The following UIMC1 variants were observed in gnomAD, a reference collection of about 807,000 sequenced individuals.
UIMC1 encodes the protein BRCA1-A complex subunit RAP80.
Under a neutral mutation model 84.9 loss-of-function variants are expected in UIMC1, and 42 were observed. The observed-to-expected ratio is 0.49, with a 90% confidence interval of 0.39 to 0.64. UIMC1 has a LOEUF of 0.64. Among genes scored for constraint, UIMC1 ranks in the 30% least tolerant of loss-of-function variants. UIMC1 has a pLI of 0.00. For missense variants in UIMC1, 825 were observed against 847.6 expected, an observed-to-expected ratio of 0.97 and a Z score of 0.33; for synonymous variants, 281 against 293.0, an observed-to-expected ratio of 0.96 and a Z score of 0.42.
At chr5:176,982,945 C>T (rs576842394) in intron 1 of UIMC1, among the ~76,000 whole-genome samples, 5 of 152,244 alleles carry the variant, frequency 3.3e-5, no homozygotes, top group Admixed American at 1.3e-4. Flanking sequence ...GTGATCCACC[C>T]GTGTCAGCCT....
rs140783995 is a variant in UIMC1 at position 177,005,240 on chromosome 5, A to AT, written c.-9+1409dup. On this transcript the variant is annotated intron_variant, in intron 1 of 14. Coordinates refer to ENST00000511320, the MANE Select transcript of UIMC1 (RefSeq NM_001199298.2). ...AGGCAGGCGCCACCACACTCTAATA[A>AT]TTTTTTTTATTTTTTGTAGAGACAG... is the stretch of plus-strand genomic sequence containing the variant. Among the ~76,000 whole-genome samples the AT allele has an allele frequency of 6.5e-3, 986 of 151,400 alleles. 43 individuals are homozygous for AT. The East Asian group carries it at 0.089, about 14-fold the overall frequency.
intron 10 of UIMC1, among the ~76,000 whole-genome samples, chr5:176,911,976 A>G (rs1760271468): frequency 1.3e-5 from 2 of 152,262 alleles, no homozygotes; most frequent in Non-Finnish European, 2.9e-5. Flanking sequence ...ACCAAAAGAC[A>G]TCTGTTTATA....
intron 1 of UIMC1, among the ~76,000 whole-genome samples, chr5:177,001,742 A>G (rs953049687): frequency 2.0e-5 from 3 of 150,992 alleles, no homozygotes; most frequent in Non-Finnish European, 4.4e-5. Context: ...GATCGAGACC[A>G]TCCTGGCTAA....
chr5:176,969,544 A>T, intron 5 of UIMC1, 57 bp downstream of exon 5: 1 of 1,544,738 alleles, frequency 6.5e-7, no homozygotes, highest in East Asian at 2.2e-5. Flanking sequence ...TCAGCATGAG[A>T]TCCCTGTGGT....
intron 1 of UIMC1, among the ~76,000 whole-genome samples, chr5:176,992,000 T>C (rs1436778003): frequency 6.6e-6 from 1 of 152,094 alleles, no homozygotes; most frequent in Admixed American, 6.6e-5. Context: ...TGCACACCTA[T>C]AGTCCCAGCT....
intron 8 of UIMC1, among the ~76,000 whole-genome samples, chr5:176,952,840 A>G (rs2149456953): frequency 6.6e-6 from 1 of 152,190 alleles, no homozygotes; most frequent in South Asian, 2.1e-4. Flanking sequence ...GTAGACACAT[A>G]TCACTTAATA....
At chr5:176,954,610 G>C (rs1356362015) in intron 8 of UIMC1, among the ~76,000 whole-genome samples, 4 of 151,752 alleles carry the variant, frequency 2.6e-5, no homozygotes, top group Non-Finnish European at 5.9e-5. Context: ...AAATTAGTTA[G>C]GTGTGGTGGC....
intron 1 of UIMC1, among the ~76,000 whole-genome samples, chr5:177,018,665 G>A (rs996548823): frequency 6.6e-6 from 1 of 152,190 alleles, no homozygotes; most frequent in Non-Finnish European, 1.5e-5. Flanking sequence ...TCCCAGCAAG[G>A]AGTCCAGGCC....
chr5:176,991,630 CAA>C (rs57753076), intron 1 of UIMC1, among the ~76,000 whole-genome samples: 69 of 78,808 alleles, frequency 8.8e-4, no homozygotes, highest in African/African-American at 1.5e-3. Flanking sequence ...AACTCCGTCT[CAA>C]AAAAAAAAAA....
chr5:176,968,749 A>C lies in UIMC1; in HGVS notation c.1006T>G (p.Cys336Gly). ...PRPPSLIQNE[C>G]GQGEQASEKN... is the part of the protein sequence containing the mutation. ...TCACTAGCCTGCTCTCCTTGGCCAC[A>C]TTCATTCTGGATCAGAGAAGGAGGT... is the stretch of plus-strand genomic sequence containing the variant. The change falls in exon 6 of 15, where the codon TGT becomes GGT. Residue 336 changes from cysteine to glycine, a missense_variant. By Grantham distance (159) the Cys-to-Gly change is radical. Transcript: ENST00000511320. The C allele has an allele frequency of 6.2e-7, 1 of 1,614,118 alleles. No homozygotes were observed. The highest frequency in any genetic ancestry group is 8.5e-7 in the Non-Finnish European group (1 of 1,180,030).
chr5:177,021,633 T>C (rs993674820), intron 1 of UIMC1, among the ~76,000 whole-genome samples: 1 of 151,208 alleles, frequency 6.6e-6, no homozygotes, highest in Non-Finnish European at 1.5e-5. Context: ...TACAGGGCCT[T>C]GTTGGTCGAA....
chr5:177,021,108 T>C (rs1057324710), intron 1 of UIMC1, among the ~76,000 whole-genome samples: 4 of 151,880 alleles, frequency 2.6e-5, no homozygotes, highest in African/African-American at 9.7e-5. Context: ...TGAAACCCCG[T>C]CTCTACCAAA....
intron 10 of UIMC1, among the ~76,000 whole-genome samples, chr5:176,918,961 C>T (rs926677015): frequency 7.9e-5 from 12 of 152,236 alleles, no homozygotes; most frequent in Non-Finnish European, 1.8e-4. Context: ...TCCCTCACTA[C>T]TGCTAGCAAT....
intron 2 of UIMC1, among the ~76,000 whole-genome samples, chr5:176,976,909 T>C (rs1770166326): frequency 6.6e-6 from 1 of 152,170 alleles, no homozygotes; most frequent in Non-Finnish European, 1.5e-5. Context: ...GCAGTGGCCA[T>C]GGAGGGTAAA....
Position 176,958,134 on chromosome 5 carries a change from T to C in UIMC1, c.1221A>G (p.Glu407=). 1 of 1,613,874 alleles carries C rather than the reference T, an allele frequency of 6.2e-7. No individual in the cohort carries two copies. ...SHGQSSQGIV[E]ETSEEGNSVP... ...CAGAGTTTCCCTCTTCAGAAGTTTC[T>C]TCAACAATCCCTTGGGAAGACTGCA... The change falls in exon 7 of 15, where the codon GAA becomes GAG. Residue 407 remains glutamate, a synonymous_variant. Coordinates refer to ENST00000511320, the MANE Select transcript of UIMC1 (RefSeq NM_001199298.2).
rs1176776877 is a variant in UIMC1 at position 177,015,991 on chromosome 5, C to T, written c.-9+6473G>A. 3.3e-5 allele frequency among the ~76,000 whole-genome samples: 5 copies of T among 151,722 alleles called. 1 individual carries two copies. The highest frequency in any genetic ancestry group is 1.3e-4 in the Admixed American group (2 of 15,220). On this transcript the variant is annotated intron_variant, in intron 1 of 5. Transcript: ENST00000509236. The stretch of plus-strand genomic sequence containing the variant: ...CAGCTGAGACAGAATCACTTGAACC[C>T]GGGAGGCTGAGGGTGCAGTGAGCCG...
intron 10 of UIMC1, among the ~76,000 whole-genome samples, chr5:176,912,659 T>A (rs1175796767): frequency 6.6e-6 from 1 of 151,410 alleles, no homozygotes; most frequent in Non-Finnish European, 1.5e-5. Flanking sequence ...TTTGTATTTT[T>A]AAATTTTTAT....
chr5:176,911,058 C>T (rs1478443213), intron 11 of UIMC1, among the ~76,000 whole-genome samples: 1 of 146,346 alleles, frequency 6.8e-6, no homozygotes, highest in Non-Finnish European at 1.5e-5. Context: ...CATTGCACTC[C>T]AGCCTGGGCA....
chr5:177,012,066 C>T (rs1045709318), intron 1 of UIMC1, among the ~76,000 whole-genome samples: 1 of 152,200 alleles, frequency 6.6e-6, no homozygotes, highest in African/African-American at 2.4e-5. Context: ...TCCCAAAGTG[C>T]TGGGATTACT....
Sources: gnomAD v4.1 joint callset for allele counts (sites outside exome capture counted in the v4.1 genomes callset) on GRCh38, gnomAD v4.1.1 for gene constraint, MANE v1.5 for transcripts, NCBI Gene and HGNC (gene_info 2026-07-23, HGNC 2026-07-21) for gene names.